PLCB1: variants seen among roughly 807,000 people sequenced by gnomAD.
The protein encoded by PLCB1 is 1-phosphatidylinositol 4,5-bisphosphate phosphodiesterase beta-1.
In PLCB1, 46 loss-of-function variants were observed where a neutral mutation model predicts 161.8. The ratio of observed to expected loss-of-function variants is 0.28; its 90% CI spans 0.22 to 0.36. PLCB1 has a LOEUF of 0.36. Among genes scored for constraint, PLCB1 ranks in the 10% least tolerant of loss-of-function variants. The pLI, the probability that PLCB1 is intolerant of heterozygous loss-of-function variation, is 1.00. For missense variants in PLCB1, 1,016 were observed against 1,472.5 expected (o/e 0.69, Z 5.07); for synonymous variants, 517 against 503.7 (o/e 1.03, Z -0.35).
At chr20:8,829,383 T>C (rs1285306927) in intron 31 of PLCB1, among the ~76,000 whole-genome samples, 1 of 152,210 alleles carries the variant, frequency 6.6e-6, no homozygotes, top group Non-Finnish European at 1.5e-5. Flanking sequence ...GTTCTGCCCA[T>C]TGACCAGTAG....
intron 31 of PLCB1, among the ~76,000 whole-genome samples, chr20:8,832,198 T>G (rs1408768902): frequency 1.3e-5 from 2 of 152,170 alleles, no homozygotes; most frequent in Non-Finnish European, 2.9e-5. Context: ...GGTCAGAGAC[T>G]TGAGTGGTTC....
intron 25 of PLCB1, among the ~76,000 whole-genome samples, chr20:8,763,609 A>T (rs554771984): frequency 6.6e-6 from 1 of 150,866 alleles, no homozygotes; most frequent in East Asian, 2.0e-4. Flanking sequence ...CTGGTCTCGA[A>T]CTCCTGACCT....
At chr20:8,335,671 T>C (rs1251307191) in intron 2 of PLCB1, among the ~76,000 whole-genome samples, 2 of 152,196 alleles carry the variant, frequency 1.3e-5, no homozygotes, top group African/African-American at 4.8e-5. Flanking sequence ...ATGCACATTA[T>C]AATTATTCTG....
At chr20:8,255,567 T>A (rs1981369191) in intron 2 of PLCB1, among the ~76,000 whole-genome samples, 1 of 151,996 alleles carries the variant, frequency 6.6e-6, no homozygotes, top group Non-Finnish European at 1.5e-5. Context: ...TCATAGAGGG[T>A]CTAAGATTTT....
At chr20:8,475,636 C>T (rs957629834) in intron 3 of PLCB1, among the ~76,000 whole-genome samples, 9 of 152,144 alleles carry the variant, frequency 5.9e-5, no homozygotes, top group African/African-American at 2.2e-4. Flanking sequence ...GACACTTGCA[C>T]ACTTTTTTTC....
intron 2 of PLCB1, among the ~76,000 whole-genome samples, chr20:8,244,750 C>T (rs1385706329): frequency 6.6e-6 from 1 of 151,600 alleles, no homozygotes; most frequent in Non-Finnish European, 1.5e-5. Flanking sequence ...TGTTTTATAC[C>T]TCAAAATGTT....
Position 8,797,631 on chromosome 20 carries a change from A to G in PLCB1, c.3423+7370A>G, listed in dbSNP as rs969797572. Among the ~76,000 whole-genome samples, 8 of 152,004 alleles carry G rather than the reference A, an allele frequency of 5.3e-5. 1 individual carries two copies. Among genetic ancestry groups the G allele is most frequent in the African/African-American group, 1.9e-4 (8 of 41,442 alleles). ...TTTGTATTTTATTTCCAGATGTTCT[A>G]TTTGGTTTATTTTCAAATATATAAT... On this transcript the variant is annotated intron_variant, in intron 31 of 31. Coordinates refer to ENST00000338037, the MANE Select transcript of PLCB1 (RefSeq NM_015192.4).
At chr20:8,388,666 T>G (rs1809804951) in intron 3 of PLCB1, among the ~76,000 whole-genome samples, 1 of 152,190 alleles carries the variant, frequency 6.6e-6, no homozygotes, top group Admixed American at 6.5e-5. Flanking sequence ...TTTTGGTTTG[T>G]TTTGTCATTT....
intron 2 of PLCB1, among the ~76,000 whole-genome samples, chr20:8,329,320 C>T (rs1001886808): frequency 0.019 from 2,716 of 139,484 alleles, 28 homozygotes; most frequent in Non-Finnish European, 0.027. Context: ...AAAATAAATA[C>T]TTTTTTTTTT....
intron 3 of PLCB1, among the ~76,000 whole-genome samples, chr20:8,534,673 A>G (rs1984968888): frequency 6.6e-6 from 1 of 152,230 alleles, no homozygotes; most frequent in Admixed American, 6.5e-5. Context: ...GGCATCAGAC[A>G]GAGCAAAAAG....
chr20:8,643,216 C>G (rs1989011311), intron 4 of PLCB1, among the ~76,000 whole-genome samples: 1 of 152,208 alleles, frequency 6.6e-6, no homozygotes, highest in South Asian at 2.1e-4. Context: ...TTCTCAGCCT[C>G]AAATCCATCC....
chr20:8,189,324 AATAT>A (rs60983684), intron 2 of PLCB1, among the ~76,000 whole-genome samples: 8,332 of 145,186 alleles, frequency 0.057, 696 homozygotes, highest in African/African-American at 0.18. Context: ...TAACTATTTT[AATAT>A]ATATATATAT....
In PLCB1 at chr20:8,882,800, ATATT is replaced by A. The variant is rs1988042510; in HGVS notation, c.*955_*958del. 6.6e-6 allele frequency: 1 copy of A among 152,342 alleles called. No individual in the cohort carries two copies. Among genetic ancestry groups the A allele is most frequent in the African/African-American group, 2.4e-5 (1 of 41,456 alleles). 9.4% of individuals were successfully genotyped at this position (152,342 alleles called of 1,614,324 possible). ...TTTTTAATATAGAGAGGAAGATTGA[ATATT>A]TATCTAGAGAATACAAAGACCCACA... On this transcript the variant is annotated 3_prime_UTR_variant, in exon 32 of 32. Coordinates refer to ENST00000338037, the MANE Select transcript of PLCB1 (RefSeq NM_015192.4).
chr20:8,612,823 G>T (rs1300485444), intron 3 of PLCB1, among the ~76,000 whole-genome samples: 1 of 152,076 alleles, frequency 6.6e-6, no homozygotes, highest in Non-Finnish European at 1.5e-5. Context: ...CTCTACCCCT[G>T]AGCTGTACCC....
At chr20:8,851,637 T>A (rs529376282) in intron 31 of PLCB1, among the ~76,000 whole-genome samples, 1 of 152,186 alleles carries the variant, frequency 6.6e-6, no homozygotes, top group South Asian at 2.1e-4. Flanking sequence ...TAGTGATGTC[T>A]GCCATAGTCA....
intron 10 of PLCB1, among the ~76,000 whole-genome samples, chr20:8,692,667 TATC>T: frequency 6.6e-6 from 1 of 152,170 alleles, no homozygotes; most frequent in Non-Finnish European, 1.5e-5. Context: ...AATTCATTAA[TATC>T]ATGGAAGACC....
intron 2 of PLCB1, among the ~76,000 whole-genome samples, chr20:8,191,920 G>T (rs1390091855): frequency 6.6e-6 from 1 of 151,886 alleles, no homozygotes; most frequent in Non-Finnish European, 1.5e-5. Flanking sequence ...TGTAAAGCAG[G>T]TTTGAATAAA....
intron 3 of PLCB1, among the ~76,000 whole-genome samples, chr20:8,531,776 A>G (rs1299240053): frequency 6.6e-6 from 1 of 152,074 alleles, no homozygotes; most frequent in East Asian, 1.9e-4. Flanking sequence ...ATATATGTAT[A>G]TGCACACTTG....
At chr20:8,762,575 T>C (rs1982097661) in intron 25 of PLCB1, among the ~76,000 whole-genome samples, 1 of 152,194 alleles carries the variant, frequency 6.6e-6, no homozygotes, top group Admixed American at 6.5e-5. Context: ...TTTAAAGAAA[T>C]AGAATTGCAT....
Sources: allele counts gnomAD v4.1 joint callset (sites outside exome capture counted in the v4.1 genomes callset), GRCh38; gene constraint gnomAD v4.1.1; transcripts MANE v1.5; gene names NCBI Gene and HGNC (gene_info 2026-07-23, HGNC 2026-07-21).